The following LSR variants were observed in gnomAD, a reference collection of about 807,000 sequenced individuals.
The protein encoded by LSR is lipolysis-stimulated lipoprotein receptor.
A neutral mutation model predicts 61.8 loss-of-function variants in LSR; 44 were observed. The observed-to-expected ratio is 0.71, with a 90% CI of 0.56 to 0.91. The LOEUF is 0.91. Ranked by LOEUF, LSR falls within the 40% of genes least tolerant of loss-of-function variation. LSR has a pLI of 0.00. For missense variants in LSR, 911 were observed against 830.5 expected, an observed-to-expected ratio of 1.10 and a Z score of -1.19; for synonymous variants, 397 against 350.6, an observed-to-expected ratio of 1.13 and a Z score of -1.48.
chr19:35,266,982 T>G lies in LSR; in HGVS notation c.1144+15T>G, dbSNP rs1168879473. 6.2e-7 allele frequency: 1 copy of G among 1,603,750 alleles called. No homozygotes were observed. ...TGTGGAGCGGGGTAAGCAGGAGCCT[T>G]GGGGTCTGAGGGCTTTTAAGGTGGG... is the stretch of plus-strand genomic sequence containing the variant. On this transcript the variant is annotated intron_variant, in intron 8 of 9. Transcript: ENST00000605618.
chr19:35,266,124 G>C (rs1301090661), intron 5 of LSR, among the ~76,000 whole-genome samples: 1 of 152,226 alleles, frequency 6.6e-6, no homozygotes, highest in Non-Finnish European at 1.5e-5. Flanking sequence ...TGCACCCTCT[G>C]AAAAATCACA....
Position 35,262,661 on chromosome 19 carries a change from C to T in LSR, c.747C>T (p.Cys249=). Residue 249 remains cysteine, a synonymous_variant, in exon 5 of 10, where the codon TGC becomes TGT. Coordinates refer to ENST00000605618, the MANE Select transcript of LSR (RefSeq NM_205834.4). ...HTCCCYVRCP[C]CPDKCCCPEA... ...GCTGCTGCTACGTCAGGTGCCCCTG[C>T]TGCCCAGACAAGTGCTGCTGCCCCG... is the stretch of plus-strand genomic sequence containing the variant. The T allele has an allele frequency of 6.2e-7, 1 of 1,614,146 alleles. No individual in the cohort carries two copies. The highest frequency in any genetic ancestry group is 8.5e-7 in the Non-Finnish European group (1 of 1,180,018).
In LSR at chr19:35,267,366, A is replaced by C. The variant is rs2066027430; in HGVS notation, c.1402A>C (p.Asn468His). The C allele has an allele frequency of 6.9e-7, 1 of 1,449,590 alleles. No individual in the cohort carries two copies. The highest frequency in any genetic ancestry group is 9.2e-7 in the Non-Finnish European group (1 of 1,089,730). 89.8% of individuals were successfully genotyped at this position (1,449,590 alleles called of 1,614,324 possible). A position where few individuals can be genotyped will look rare whatever the true frequency, so the allele number is the denominator to read the frequency against. The change falls in exon 9 of 10, where the codon AAT becomes CAT. Residue 468 changes from asparagine to histidine, a missense_variant. Transcript: ENST00000605618. ...AESGSRSPTS[N>H]GGRSRAYMPP... Reference sequence around the variant, plus strand: ...GTCAGGGAGCAGGTCTCCCACGAGTAATGGTGGGAGAAGCCGGGCCTACAT... The same window carrying C: ...GTCAGGGAGCAGGTCTCCCACGAGTCATGGTGGGAGAAGCCGGGCCTACAT...
At chr19:35,257,243 C>G (rs1333483346) in intron 2 of LSR, among the ~76,000 whole-genome samples, 1 of 152,148 alleles carries the variant, frequency 6.6e-6, no homozygotes, top group South Asian at 2.1e-4. Context: ...CACATTTTCA[C>G]CAGGCAAAGG....
chr19:35,250,536 G>C lies in LSR; in HGVS notation c.331G>C (p.Gly111Arg), dbSNP rs2065779586. Residue 111 changes from glycine to arginine, a missense_variant, in exon 2 of 10, where the codon GGC becomes CGC. Coordinates refer to ENST00000605618, the MANE Select transcript of LSR (RefSeq NM_205834.4). ...TGCCCAGCTGGCAGCCGGGAACCCAGGCTACAACCCCTACGTTGAGTGCCA... is the reference window on the plus strand; with the variant it reads ...TGCCCAGCTGGCAGCCGGGAACCCACGCTACAACCCCTACGTTGAGTGCCA... Reference protein sequence around the residue: ...LNAQLAAGNPGYNPYVECQDS... With the variant: ...LNAQLAAGNPRYNPYVECQDS... 6.2e-7 allele frequency: 1 copy of C among 1,614,048 alleles called. No homozygotes were observed. Among genetic ancestry groups the C allele is most frequent in the Non-Finnish European group, 8.5e-7 (1 of 1,180,032 alleles).
At chr19:35,266,615 G>A in intron 6 of LSR, 64 bp from the exon 7 acceptor site, 1 of 1,600,424 alleles carries the variant, frequency 6.2e-7, no homozygotes, top group African/African-American at 1.3e-5. Context: ...AAGGAAGAGT[G>A]TCTTGGGAGC....
intron 2 of LSR, among the ~76,000 whole-genome samples, chr19:35,257,298 G>T (rs1383995803): frequency 6.6e-6 from 1 of 152,166 alleles, no homozygotes; most frequent in Non-Finnish European, 1.5e-5. Context: ...GCAGTTGGGT[G>T]GGGGAGCCGT....
chr19:35,262,035 A>G (rs905839003), intron 4 of LSR, 54 bp downstream of exon 4: 8 of 1,414,470 alleles, frequency 5.7e-6, no homozygotes, highest in African/African-American at 4.5e-5. Context: ...TACATCACCT[A>G]CTGCTTCTGA....
In LSR at chr19:35,266,851, A is replaced by T. The variant is rs1035525400; in HGVS notation, c.1028A>T (p.Tyr343Phe). The change falls in exon 8 of 10, where the codon TAC becomes TTC. Residue 343 changes from tyrosine (Y) to phenylalanine (F), a missense_variant. Tyr to Phe is a conservative substitution (Grantham distance 22). Transcript: ENST00000605618. ...SSVASEVRSG[Y>F]RIQASQQDDS... is the part of the protein sequence containing the mutation. ...CTGTCCCTAGAAGTCCGCAGTGGCT[A>T]CAGGATTCAGGCCAGCCAGCAGGAC... The T allele has an allele frequency of 6.2e-7, 1 of 1,609,638 alleles. No homozygotes were observed. Among genetic ancestry groups the T allele is most frequent in the Non-Finnish European group, 8.5e-7 (1 of 1,178,096 alleles).
At chr19:35,262,498 C>A in intron 4 of LSR, 48 bp from the exon 5 acceptor site, 1 of 1,611,384 alleles carries the variant, frequency 6.2e-7, no homozygotes, top group South Asian at 1.1e-5. Context: ...GCCGTTAGCC[C>A]TGTTCCCTCC....
chr19:35,259,214 A>G, intron 3 of LSR, 150 bp downstream of exon 3: 1 of 1,021,808 alleles, frequency 9.8e-7, no homozygotes, highest in Non-Finnish European at 1.4e-6. Flanking sequence ...CCAGTCACTT[A>G]GGCTCCCCTG....
chr19:35,259,466 C>T (rs931607594), intron 3 of LSR: 1 of 168,860 alleles, frequency 5.9e-6, no homozygotes, highest in African/African-American at 2.4e-5. Context: ...GTGGCAAAAT[C>T]CCGTCTCTAT....
At chr19:35,249,154 C>T (rs1029639815) in intron 1 of LSR, 23 bp downstream of exon 1, 64 of 1,516,684 alleles carry the variant, frequency 4.2e-5, no homozygotes, top group Non-Finnish European at 5.4e-5. Flanking sequence ...GGGCCTCTGA[C>T]GCTGCGGAAC....
chr19:35,267,641 C>T lies in LSR; in HGVS notation c.1677C>T (p.His559=). Residue 559 remains histidine, a synonymous_variant, in exon 9 of 10, where the codon CAC becomes CAT. Coordinates refer to ENST00000605618, the MANE Select transcript of LSR (RefSeq NM_205834.4). ...KKGSEERRRP[H]KEEEEEAYYP... ...GGTCGGAGGAGAGGAGGAGACCCCA[C>T]AAGGAGGAGGAGGAAGAGGCCTACT... 6.2e-7 allele frequency: 1 copy of T among 1,611,318 alleles called. No individual in the cohort carries two copies. Among genetic ancestry groups the T allele is most frequent in the African/African-American group, 1.3e-5 (1 of 74,936 alleles).
At chr19:35,261,769 T>C (rs1010268059) in intron 3 of LSR, among the ~76,000 whole-genome samples, 156 bp from the exon 4 acceptor site, 2 of 152,162 alleles carry the variant, frequency 1.3e-5, no homozygotes, top group Non-Finnish European at 2.9e-5. Flanking sequence ...TGTGGGCGGG[T>C]GGAGGGTAGG....
chr19:35,258,267 G>T (rs772555675), intron 2 of LSR, among the ~76,000 whole-genome samples: 3 of 152,042 alleles, frequency 2.0e-5, no homozygotes, highest in Non-Finnish European at 4.4e-5. Flanking sequence ...TCAACATGGC[G>T]AAACTCCATC....
chr19:35,254,445 C>T (rs773030443), intron 2 of LSR, among the ~76,000 whole-genome samples: 6 of 152,150 alleles, frequency 3.9e-5, no homozygotes, highest in Non-Finnish European at 8.8e-5. Flanking sequence ...AGAAGGCTGT[C>T]CACTCCAGGC....
rs937798972 is a variant in LSR at position 35,267,915 on chromosome 19, A to C, written c.*56A>C. On this transcript the variant is annotated 3_prime_UTR_variant, in exon 10 of 10. Coordinates refer to ENST00000605618, the MANE Select transcript of LSR (RefSeq NM_205834.4). The stretch of plus-strand genomic sequence containing the variant: ...TTTTTTTTAATTTGAAGGAACACTG[A>C]TGAAGCCCTGCCATACCCCTCCCGA... 6.3e-7 allele frequency: 1 copy of C among 1,579,928 alleles called. No homozygotes were observed. The highest frequency in any genetic ancestry group is 1.4e-5 in the African/African-American group (1 of 73,802).
intron 2 of LSR, among the ~76,000 whole-genome samples, chr19:35,256,699 G>GATGAATGAATGA (rs71167530): frequency 1.1e-3 from 171 of 150,728 alleles, no homozygotes; most frequent in African/African-American, 3.9e-3. Context: ...ATTGTTGAAG[G>GATGAATGAATGA]ATGAATGAAT....
Sources: allele counts gnomAD v4.1 joint callset (sites outside exome capture counted in the v4.1 genomes callset), GRCh38; gene constraint gnomAD v4.1.1; transcripts MANE v1.5; gene names NCBI Gene and HGNC (gene_info 2026-07-23, HGNC 2026-07-21).